DNER: variants seen among roughly 807,000 people sequenced by gnomAD.
DNER encodes the protein delta and Notch-like epidermal growth factor-related receptor.
DNER carries 33 observed loss-of-function variants against 78.2 expected under a neutral mutation model. The ratio of observed to expected loss-of-function variants is 0.42; its 90% CI spans 0.32 to 0.56. The LOEUF (loss-of-function observed/expected upper bound fraction) is 0.56, where lower values mean the gene tolerates loss of function less well. Among genes scored for constraint, DNER ranks in the 20% least tolerant of loss-of-function variants. The pLI is 0.11. For synonymous variants in DNER, 417 were observed against 384.8 expected (o/e 1.08, Z -0.98); for missense variants, 918 against 975.3 (o/e 0.94, Z 0.78).
intron 1 of DNER, among the ~76,000 whole-genome samples, chr2:229,649,625 A>G (rs781395184): frequency 3.3e-5 from 5 of 152,222 alleles, no homozygotes; most frequent in Non-Finnish European, 5.9e-5. Context: ...TTGAAATTAT[A>G]TGAGGACTAT....
chr2:229,632,447 C>T (rs1174909838), intron 1 of DNER, among the ~76,000 whole-genome samples: 1 of 152,168 alleles, frequency 6.6e-6, no homozygotes, highest in Non-Finnish European at 1.5e-5. Context: ...ATTTCACAAA[C>T]ATTTACTAAG....
chr2:229,664,612 A>G (rs1046139748), intron 1 of DNER, among the ~76,000 whole-genome samples: 7 of 152,226 alleles, frequency 4.6e-5, no homozygotes, highest in Non-Finnish European at 1.0e-4. Context: ...GACCAAAGAG[A>G]TCAGGTAGTT....
At chr2:229,435,221 T>C (rs1370052214) in intron 8 of DNER, among the ~76,000 whole-genome samples, 1 of 152,192 alleles carries the variant, frequency 6.6e-6, no homozygotes, top group Non-Finnish European at 1.5e-5. Context: ...CCGACTGGTC[T>C]GCTGGATGAA....
At chr2:229,637,048 T>C (rs1410604754) in intron 1 of DNER, among the ~76,000 whole-genome samples, 4 of 152,114 alleles carry the variant, frequency 2.6e-5, no homozygotes, top group African/African-American at 7.2e-5. Context: ...AGTGAGAAAC[T>C]TCTGTGAGGA....
chr2:229,640,897 G>A (rs1367972427), intron 1 of DNER, among the ~76,000 whole-genome samples: 1 of 152,190 alleles, frequency 6.6e-6, no homozygotes, highest in African/African-American at 2.4e-5. Context: ...CTGAGTAGGT[G>A]CAGCAGAATG....
intron 5 of DNER, among the ~76,000 whole-genome samples, chr2:229,523,491 T>A (rs942561104): frequency 2.6e-5 from 4 of 152,152 alleles, no homozygotes; most frequent in African/African-American, 9.7e-5. Flanking sequence ...TTTGTCTATG[T>A]CCCAATGTCC....
intron 5 of DNER, among the ~76,000 whole-genome samples, chr2:229,525,952 G>A (rs1449396351): frequency 6.6e-6 from 1 of 151,902 alleles, no homozygotes; most frequent in Non-Finnish European, 1.5e-5. Context: ...AGGTGGGAAG[G>A]TCCTATCATT....
At chr2:229,422,624 G>A (rs150858652) in intron 8 of DNER, among the ~76,000 whole-genome samples, 6 of 152,118 alleles carry the variant, frequency 3.9e-5, no homozygotes, top group Non-Finnish European at 8.8e-5. Flanking sequence ...AAGAAGACCA[G>A]TTTAACTTTG....
chr2:229,373,940 G>A (rs767160493), intron 11 of DNER, among the ~76,000 whole-genome samples: 3 of 152,108 alleles, frequency 2.0e-5, no homozygotes, highest in Admixed American at 2.0e-4. Flanking sequence ...CGAAGTGGGT[G>A]GATAGCTTTG....
chr2:229,614,393 C>T (rs1698113663), intron 1 of DNER, among the ~76,000 whole-genome samples: 1 of 151,974 alleles, frequency 6.6e-6, no homozygotes, highest in African/African-American at 2.4e-5. Context: ...AAACATGAAA[C>T]ACAAAAAGAT....
At chr2:229,704,916 G>C (rs952999208) in intron 1 of DNER, among the ~76,000 whole-genome samples, 3 of 152,204 alleles carry the variant, frequency 2.0e-5, no homozygotes, top group African/African-American at 7.2e-5. Context: ...TTCCCGTATT[G>C]CATTTTCCCT....
chr2:229,706,252 TATA>T (rs1488343861), intron 1 of DNER, among the ~76,000 whole-genome samples: 6 of 152,156 alleles, frequency 3.9e-5, no homozygotes, highest in Non-Finnish European at 8.8e-5. Context: ...TCAAGGGCCA[TATA>T]ATAAGTATTT....
Position 229,696,879 on chromosome 2 carries a change from G to C in DNER, c.276+17269C>G, listed in dbSNP as rs1303007531. Among the ~76,000 whole-genome samples, 4 of 152,260 alleles carry C rather than the reference G, an allele frequency of 2.6e-5. No individual in the cohort carries two copies. The East Asian group carries it at 5.8e-4, about 22-fold the overall frequency. ...GGAGAGGCTGCAAGTAACCATCCAG[G>C]GGGGATCCTGGGGCTCAGGTTGTGT... On this transcript the variant is annotated intron_variant, in intron 1 of 12. Transcript: ENST00000341772.
intron 6 of DNER, among the ~76,000 whole-genome samples, chr2:229,507,703 CAT>C (rs1304485973): frequency 2.6e-5 from 4 of 152,026 alleles, no homozygotes; most frequent in African/African-American, 7.3e-5. Context: ...AAAATTATAA[CAT>C]AGGAAATTGG....
At chr2:229,443,941 G>C (rs1015677736) in intron 8 of DNER, among the ~76,000 whole-genome samples, 1 of 152,176 alleles carries the variant, frequency 6.6e-6, no homozygotes, top group Admixed American at 6.5e-5. Flanking sequence ...ACAATCTGAA[G>C]AAACATCCCC....
chr2:229,397,082 A>G (rs1327090259), intron 10 of DNER, among the ~76,000 whole-genome samples: 1 of 152,168 alleles, frequency 6.6e-6, no homozygotes, highest in Non-Finnish European at 1.5e-5. Context: ...ACTTCTAAAA[A>G]CAGCCAGAGT....
intron 5 of DNER, among the ~76,000 whole-genome samples, chr2:229,520,561 G>A (rs1696074450): frequency 6.6e-6 from 1 of 152,150 alleles, no homozygotes; most frequent in Non-Finnish European, 1.5e-5. Flanking sequence ...AGGCATGGTG[G>A]TCTGCCAGTT....
At chr2:229,708,971 C>A (rs1699869626) in intron 1 of DNER, among the ~76,000 whole-genome samples, 2 of 152,108 alleles carry the variant, frequency 1.3e-5, no homozygotes, top group African/African-American at 4.8e-5. Context: ...TCTAAGAAAT[C>A]ATTTATTTCA....
intron 1 of DNER, among the ~76,000 whole-genome samples, chr2:229,707,869 G>T (rs1699853922): frequency 6.6e-6 from 1 of 152,220 alleles, no homozygotes. Flanking sequence ...TAACAGAAGT[G>T]AGCACCTTTT....
Sources: gnomAD v4.1 joint callset for allele counts (sites outside exome capture counted in the v4.1 genomes callset) on GRCh38, gnomAD v4.1.1 for gene constraint, MANE v1.5 for transcripts, NCBI Gene and HGNC (gene_info 2026-07-23, HGNC 2026-07-21) for gene names.